The following PLXNC1 variants were observed in gnomAD, a reference collection of about 807,000 sequenced individuals.
PLXNC1 encodes plexin-C1.
PLXNC1 carries 75 observed loss-of-function variants against 178.2 expected under a neutral mutation model. That is an observed-to-expected ratio of 0.42 (90% confidence interval 0.35 to 0.51). The LOEUF (loss-of-function observed/expected upper bound fraction) is 0.51. Among genes scored for constraint, PLXNC1 ranks in the 20% least tolerant of loss-of-function variants. The pLI is 0.02. For missense variants in PLXNC1, 1,503 were observed against 1,984.4 expected, an observed-to-expected ratio of 0.76 and a Z score of 4.61; for synonymous variants, 790 against 779.9, an observed-to-expected ratio of 1.01 and a Z score of -0.22.
At chr12:94,231,684 A>G (rs1199261852) in intron 9 of PLXNC1, among the ~76,000 whole-genome samples, 1 of 152,074 alleles carries the variant, frequency 6.6e-6, no homozygotes, top group East Asian at 1.9e-4. Context: ...CACAATAGAG[A>G]AATGAGCTCA....
intron 23 of PLXNC1, among the ~76,000 whole-genome samples, chr12:94,284,332 T>G (rs1966682879): frequency 6.6e-6 from 1 of 152,174 alleles, no homozygotes; most frequent in East Asian, 1.9e-4. Context: ...TGTTTTAAAC[T>G]GTAAGTTCCT....
chr12:94,301,096 T>A (rs55787485), intron 28 of PLXNC1, 39 bp downstream of exon 28: 1 of 1,588,984 alleles, frequency 6.3e-7, no homozygotes, highest in Non-Finnish European at 8.6e-7. Context: ...TGCAGTCTTA[T>A]GAGTTTGACA....
chr12:94,282,900 C>A, intron 23 of PLXNC1: 1 of 154,802 alleles, frequency 6.5e-6, no homozygotes, highest in Admixed American at 6.3e-5. Context: ...AACCCACATA[C>A]TGGGTGAGTG....
intron 1 of PLXNC1, among the ~76,000 whole-genome samples, chr12:94,162,421 G>T (rs774503964): frequency 2.0e-5 from 3 of 152,332 alleles, no homozygotes; most frequent in Admixed American, 1.3e-4. Flanking sequence ...TCAGGGATCA[G>T]CTCAGGGAGA....
chr12:94,239,226 C>A (rs1370774339), intron 10 of PLXNC1, among the ~76,000 whole-genome samples: 1 of 152,176 alleles, frequency 6.6e-6, no homozygotes, highest in African/African-American at 2.4e-5. Context: ...CTCAGTTAAT[C>A]CTATACCTGA....
Position 94,148,891 on chromosome 12 carries a change from C to CGCCGCT in PLXNC1, c.-76_-75insTGCCGC, listed in dbSNP as rs1252613222. The CGCCGCT allele has an allele frequency of 3.1e-6, 1 of 324,596 alleles. No homozygotes were observed. The highest frequency in any genetic ancestry group is 2.3e-5 in the African/African-American group (1 of 44,308). The allele number at this position is 324,596 out of a possible 1,614,324, so 20.1% of individuals were successfully genotyped here. On this transcript the variant is annotated 5_prime_UTR_variant, in exon 1 of 31. Transcript: ENST00000258526. The surrounding 1 kb of genome is among the most constrained non-coding windows in gnomAD (Gnocchi z 4.8). ...GAGCGCGCGCAGGAACCGCCGCCGCCGCCGCCCGCGTCTCCGTTGCCGCGC... is the reference window on the plus strand; with the variant it reads ...GAGCGCGCGCAGGAACCGCCGCCGCCGCCGCTGCCGCCCGCGTCTCCGTTGCCGCGC...
At chr12:94,297,689 A>G (rs983499560) in intron 26 of PLXNC1, among the ~76,000 whole-genome samples, 4 of 152,052 alleles carry the variant, frequency 2.6e-5, no homozygotes. Context: ...CCATTTCACT[A>G]TTATTGTTAT....
intron 2 of PLXNC1, among the ~76,000 whole-genome samples, chr12:94,178,176 A>T (rs1203481325): frequency 6.6e-6 from 1 of 152,090 alleles, no homozygotes; most frequent in Non-Finnish European, 1.5e-5. Context: ...TAACTGAAAA[A>T]ACCAGGTATT....
chr12:94,178,564 G>A (rs564817650), intron 2 of PLXNC1, among the ~76,000 whole-genome samples: 2 of 152,188 alleles, frequency 1.3e-5, no homozygotes, highest in East Asian at 3.8e-4. Flanking sequence ...AATTAGAGAC[G>A]GCAAATCCTG....
intron 9 of PLXNC1, among the ~76,000 whole-genome samples, chr12:94,230,623 G>A (rs11107464): frequency 0.33 from 50,101 of 152,086 alleles, 8,440 homozygotes; most frequent in East Asian, 0.42. Context: ...TCACAGGAGG[G>A]ATTTCTCGTG....
chr12:94,156,512 C>T (rs1025252135), intron 1 of PLXNC1, among the ~76,000 whole-genome samples: 12 of 143,304 alleles, frequency 8.4e-5, no homozygotes, highest in African/African-American at 3.1e-4. Context: ...GGGTCTCATT[C>T]TGTTGCCCAG....
At chr12:94,229,634 C>T (rs1411308332) in intron 9 of PLXNC1, among the ~76,000 whole-genome samples, 3 of 152,174 alleles carry the variant, frequency 2.0e-5, no homozygotes, top group Non-Finnish European at 4.4e-5. Context: ...GTTTTCCCAA[C>T]ATCATTTGTT....
intron 9 of PLXNC1, among the ~76,000 whole-genome samples, chr12:94,237,227 A>C (rs1964266317): frequency 6.6e-6 from 1 of 152,172 alleles, no homozygotes; most frequent in Non-Finnish European, 1.5e-5. Flanking sequence ...CTTTCTTGGG[A>C]ACTGAATTTA....
At chr12:94,158,778 A>C (rs1468520260) in intron 1 of PLXNC1, among the ~76,000 whole-genome samples, 1 of 152,162 alleles carries the variant, frequency 6.6e-6, no homozygotes, top group Admixed American at 6.5e-5. Context: ...TCTTGAGAAA[A>C]ATTATCATTG....
At chr12:94,240,136 A>G (rs1421007583) in intron 10 of PLXNC1, among the ~76,000 whole-genome samples, 2 of 152,200 alleles carry the variant, frequency 1.3e-5, no homozygotes, top group South Asian at 2.1e-4. Context: ...CCATAGTGCC[A>G]TTATGATACT....
At chr12:94,190,591 A>G (rs1333643344) in intron 4 of PLXNC1, among the ~76,000 whole-genome samples, 2 of 152,112 alleles carry the variant, frequency 1.3e-5, no homozygotes, top group Non-Finnish European at 2.9e-5. Flanking sequence ...GTGCGCTCCA[A>G]GAAGAGTGAT....
At chr12:94,200,550 C>A (rs1045174112) in intron 4 of PLXNC1, among the ~76,000 whole-genome samples, 1 of 152,254 alleles carries the variant, frequency 6.6e-6, no homozygotes, top group East Asian at 1.9e-4. Flanking sequence ...GTTTTAATAT[C>A]ATTGCCACCT....
At chr12:94,159,590 G>A (rs1358155707) in intron 1 of PLXNC1, among the ~76,000 whole-genome samples, 3 of 152,228 alleles carry the variant, frequency 2.0e-5, no homozygotes, top group Admixed American at 1.3e-4. Flanking sequence ...AGAGGAGAGA[G>A]TATGAGGGGA....
chr12:94,207,413 T>C (rs1234913711), intron 4 of PLXNC1, among the ~76,000 whole-genome samples: 2 of 152,190 alleles, frequency 1.3e-5, no homozygotes, highest in African/African-American at 2.4e-5. Flanking sequence ...TTTTTGCTTG[T>C]TTTAAAAATA....
Sources: gnomAD v4.1 joint callset for allele counts (sites outside exome capture counted in the v4.1 genomes callset) on GRCh38, gnomAD v4.1.1 for gene constraint, Gnocchi (gnomAD v3.1) non-coding constraint, MANE v1.5 for transcripts, NCBI Gene and HGNC (gene_info 2026-07-23, HGNC 2026-07-21) for gene names.